The following TMEM163 variants were observed in gnomAD, a reference collection of about 807,000 sequenced individuals.
TMEM163 encodes the protein transmembrane protein 163.
A neutral mutation model predicts 29.3 loss-of-function variants in TMEM163; 17 were observed. The observed-to-expected ratio is 0.58, with a 90% CI of 0.40 to 0.87. The LOEUF is 0.87. Among genes scored for constraint, TMEM163 ranks in the 40% least tolerant of loss-of-function variants. TMEM163 has a pLI of 0.00. For missense variants in TMEM163, 303 were observed against 381.5 expected, an observed-to-expected ratio of 0.79 and a Z score of 1.71; for synonymous variants, 157 against 160.6, an observed-to-expected ratio of 0.98 and a Z score of 0.17.
chr2:134,585,192 G>C (rs1477709712), intron 2 of TMEM163, among the ~76,000 whole-genome samples: 1 of 152,040 alleles, frequency 6.6e-6, no homozygotes, highest in African/African-American at 2.4e-5. Flanking sequence ...TTAGAGACAG[G>C]GTCTCACTGT....
chr2:134,573,529 G>A (rs1681481669), intron 2 of TMEM163, among the ~76,000 whole-genome samples: 1 of 152,066 alleles, frequency 6.6e-6, no homozygotes, highest in South Asian at 2.1e-4. Flanking sequence ...CAAGGTACAG[G>A]GCAGCCCCAC....
rs1437258422 is a variant in TMEM163 at position 134,713,318 on chromosome 2, G to T, written c.204C>A (p.Gly68=). 3.7e-6 allele frequency: 6 copies of T among 1,613,356 alleles called. No homozygotes were observed. The African/African-American group carries it at 8.0e-5, about 22-fold the overall frequency. Residue 68 remains glycine, a splice_region_variant and synonymous_variant, in exon 2 of 8, where the codon GGC becomes GGA. Transcript: ENST00000281924. The part of the protein sequence containing the change: ...GQFSDGLEDR[G]LLESSTRLKP... Reference sequence around the variant, plus strand: ...TCAGGCGGGTGCTGCTTTCTAGTAAGCCTGACAAAAACAAGGAGAAAGGGA... The same window carrying T: ...TCAGGCGGGTGCTGCTTTCTAGTAATCCTGACAAAAACAAGGAGAAAGGGA...
intron 2 of TMEM163, among the ~76,000 whole-genome samples, chr2:134,628,684 G>A (rs928580407): frequency 1.3e-5 from 2 of 152,238 alleles, no homozygotes; most frequent in African/African-American, 2.4e-5. Flanking sequence ...TCCATGTGAC[G>A]TAACTGGGAG....
intron 4 of TMEM163, among the ~76,000 whole-genome samples, chr2:134,549,876 G>A (rs987985591): frequency 6.6e-6 from 1 of 152,132 alleles, no homozygotes; most frequent in Admixed American, 6.5e-5. Flanking sequence ...GTGTGTGTGT[G>A]TGTACTCATT....
At chr2:134,713,843 GAGA>G (rs1467325987) in intron 1 of TMEM163, among the ~76,000 whole-genome samples, 1 of 152,188 alleles carries the variant, frequency 6.6e-6, no homozygotes, top group Non-Finnish European at 1.5e-5. Flanking sequence ...CAACAATCAG[GAGA>G]AGAACCATTT....
intron 4 of TMEM163, among the ~76,000 whole-genome samples, chr2:134,527,854 T>C (rs1680331170): frequency 6.6e-6 from 1 of 152,186 alleles, no homozygotes; most frequent in African/African-American, 2.4e-5. Context: ...CGCCAACATG[T>C]ATGTTAGATA....
chr2:134,463,158 G>A (rs1686589052), intron 6 of TMEM163, among the ~76,000 whole-genome samples: 1 of 152,192 alleles, frequency 6.6e-6, no homozygotes, highest in African/African-American at 2.4e-5. Context: ...ACAGCTGAGG[G>A]AAGCCGAGGC....
At position 134,494,831 on chromosome 2, in the gene TMEM163, C is replaced by T. The variant is rs373784971; in HGVS notation, c.555+8070G>A. On this transcript the variant is annotated intron_variant, in intron 5 of 7. Transcript: ENST00000281924. ...CTGGGCATCCTTAACCCCTATGCTCCGGGTCCCCCAGGCACTCACTGGTGC... is the reference window on the plus strand; with the variant it reads ...CTGGGCATCCTTAACCCCTATGCTCTGGGTCCCCCAGGCACTCACTGGTGC... 6.6e-5 allele frequency among the ~76,000 whole-genome samples: 10 copies of T among 152,300 alleles called. No individual in the cohort carries two copies. In the South Asian group the frequency reaches 1.0e-3, roughly 16 times the overall value.
intron 2 of TMEM163, among the ~76,000 whole-genome samples, chr2:134,679,456 AC>A (rs1684184842): frequency 6.6e-6 from 1 of 151,974 alleles, no homozygotes; most frequent in South Asian, 2.1e-4. Flanking sequence ...TGCCTAGGCC[AC>A]CCACTTCAAT....
intron 5 of TMEM163, among the ~76,000 whole-genome samples, chr2:134,490,109 C>A (rs541025861): frequency 2.0e-5 from 3 of 152,076 alleles, no homozygotes; most frequent in Admixed American, 1.3e-4. Context: ...CTTTGAGAGA[C>A]AAGTAGACAA....
chr2:134,605,477 C>T (rs934092823), intron 2 of TMEM163, among the ~76,000 whole-genome samples: 2 of 152,102 alleles, frequency 1.3e-5, no homozygotes, highest in Non-Finnish European at 2.9e-5. Context: ...GCACGAGGAT[C>T]ACCTGAGGTC....
intron 2 of TMEM163, among the ~76,000 whole-genome samples, chr2:134,576,576 GGAGA>G (rs1681559796): frequency 6.6e-6 from 1 of 152,112 alleles, no homozygotes; most frequent in African/African-American, 2.4e-5. Flanking sequence ...TTTCTTTTTA[GGAGA>G]GAAAGGTCTC....
chr2:134,487,112 C>T (rs1395191943), intron 5 of TMEM163, among the ~76,000 whole-genome samples: 2 of 152,040 alleles, frequency 1.3e-5, no homozygotes, highest in African/African-American at 4.8e-5. Context: ...AGCACCCTTA[C>T]CACCAACACT....
intron 1 of TMEM163, 104 bp downstream of exon 1, chr2:134,718,630 G>T: frequency 1.1e-6 from 1 of 884,326 alleles, no homozygotes; most frequent in Non-Finnish European, 1.4e-6. Flanking sequence ...GCGCCCCCGC[G>T]CGCTCCGAGC....
At chr2:134,476,947 C>A (rs760180225) in intron 5 of TMEM163, among the ~76,000 whole-genome samples, 4 of 152,210 alleles carry the variant, frequency 2.6e-5, no homozygotes, top group Non-Finnish European at 5.9e-5. Context: ...ACTCCTTCAA[C>A]AAGTTTCCTC....
intron 2 of TMEM163, among the ~76,000 whole-genome samples, chr2:134,706,745 G>T (rs115954013): frequency 6.6e-6 from 1 of 152,182 alleles, no homozygotes; most frequent in African/African-American, 2.4e-5. Flanking sequence ...GCCTCTGGGG[G>T]CTGCAGTACA....
chr2:134,488,987 G>C (rs1179780452), intron 5 of TMEM163, among the ~76,000 whole-genome samples: 1 of 152,126 alleles, frequency 6.6e-6, no homozygotes, highest in Non-Finnish European at 1.5e-5. Flanking sequence ...GTAACATTCT[G>C]AGAACATGAA....
intron 2 of TMEM163, among the ~76,000 whole-genome samples, chr2:134,635,907 G>T (rs1683092741): frequency 6.6e-6 from 1 of 152,106 alleles, no homozygotes; most frequent in South Asian, 2.1e-4. Context: ...ACAACATTCG[G>T]GGTTGACACT....
At chr2:134,670,518 C>T (rs1683971064) in intron 2 of TMEM163, among the ~76,000 whole-genome samples, 1 of 152,192 alleles carries the variant, frequency 6.6e-6, no homozygotes, top group Admixed American at 6.5e-5. Flanking sequence ...GCCACGCCTA[C>T]AGAGCAGGCT....
Sources: allele counts gnomAD v4.1 joint callset (sites outside exome capture counted in the v4.1 genomes callset), GRCh38; gene constraint gnomAD v4.1.1; transcripts MANE v1.5; gene names NCBI Gene and HGNC (gene_info 2026-07-23, HGNC 2026-07-21).